The following MLLT3 variants were observed in gnomAD, a reference collection of about 807,000 sequenced individuals.
MLLT3 encodes the protein protein AF-9.
MLLT3 carries 4 observed loss-of-function variants against 53.2 expected under a neutral mutation model. That is an observed-to-expected ratio of 0.08 (90% CI 0.04 to 0.17). The LOEUF (loss-of-function observed/expected upper bound fraction) is 0.17, where lower values mean the gene tolerates loss of function less well. Among genes scored for constraint, MLLT3 ranks in the 10% least tolerant of loss-of-function variants. MLLT3 has a pLI of 1.00. For missense variants in MLLT3, 569 were observed against 684.0 expected, an observed-to-expected ratio of 0.83 and a Z score of 1.87; for synonymous variants, 283 against 230.6, an observed-to-expected ratio of 1.23 and a Z score of -2.06.
intron 6 of MLLT3, 47 bp from the exon 7 acceptor site, chr9:20,363,652 A>T (rs766757144): frequency 6.3e-7 from 1 of 1,588,490 alleles, no homozygotes; most frequent in Middle Eastern, 1.7e-4. Flanking sequence ...ATACTCAAAC[A>T]CACTTAGCCA....
chr9:20,394,277 C>T (rs144342288), intron 5 of MLLT3, among the ~76,000 whole-genome samples: 27 of 152,230 alleles, frequency 1.8e-4, no homozygotes, highest in Non-Finnish European at 3.4e-4. Context: ...GTATTTGCCA[C>T]TTACGGAGGC....
At chr9:20,478,281 T>A (rs757765604) in intron 2 of MLLT3, among the ~76,000 whole-genome samples, 6 of 152,162 alleles carry the variant, frequency 3.9e-5, no homozygotes, top group Non-Finnish European at 7.4e-5. Context: ...AAGGCCTTTA[T>A]AAACATTTCT....
chr9:20,510,885 C>A (rs953264784), intron 2 of MLLT3, among the ~76,000 whole-genome samples: 3 of 152,218 alleles, frequency 2.0e-5, no homozygotes, highest in African/African-American at 7.2e-5. Flanking sequence ...GAATGCTTTG[C>A]CATTACTGCT....
intron 2 of MLLT3, among the ~76,000 whole-genome samples, chr9:20,479,533 G>A (rs1031221565): frequency 1.3e-5 from 2 of 152,090 alleles, no homozygotes; most frequent in African/African-American, 4.8e-5. Context: ...AAAGCAAGCT[G>A]TTCAGAGGAG....
In MLLT3 at chr9:20,342,490, T is replaced by C. The variant is rs532402926; in HGVS notation, c.*3953A>G. 1 of 222,374 alleles carries C rather than the reference T, an allele frequency of 4.5e-6. No individual in the cohort carries two copies. The highest frequency in any genetic ancestry group is 5.7e-5 in the Admixed American group (1 of 17,428). 13.8% of individuals were successfully genotyped at this position (222,374 alleles called of 1,614,324 possible). A position where few individuals can be genotyped will look rare whatever the true frequency, so the allele number is the denominator to read the frequency against. ...ACTGCATGGTAGCTCTGGCCACCAT[T>C]AAGGATCTGTCAGCATTTCCATCAT... On this transcript the variant is annotated 3_prime_UTR_variant, in exon 11 of 11. Transcript: ENST00000380338.
Position 20,345,023 on chromosome 9 carries a change from C to A in MLLT3, c.*1420G>T, listed in dbSNP as rs750563381. On this transcript the variant is annotated 3_prime_UTR_variant, in exon 11 of 11. Coordinates refer to ENST00000380338, the MANE Select transcript of MLLT3 (RefSeq NM_004529.4). The stretch of plus-strand genomic sequence containing the variant: ...GCTGTTCTTACTTTTCATTTCTCCA[C>A]TTATGGAGAAGATGGAATAATGACA... 4.6e-6 allele frequency: 1 copy of A among 216,212 alleles called. No homozygotes were observed. The highest frequency in any genetic ancestry group is 9.3e-6 in the Non-Finnish European group (1 of 107,328). The allele number at this position is 216,212 out of a possible 1,614,324, so 13.4% of individuals were successfully genotyped here.
rs920197622 is a variant in MLLT3, at chr9:20,359,145, C to CAAAAAA, written c.1431+1591_1431+1596dup. Among the ~76,000 whole-genome samples, 100 of 20,980 alleles carry CAAAAAA rather than the reference C, an allele frequency of 4.8e-3. 6 individuals carry two copies. The highest frequency in any genetic ancestry group is 0.015 in the African/African-American group (94 of 6,316). 13.8% of individuals were successfully genotyped at this position (20,980 alleles called of 152,430 possible). ...GGGCAACAAGAGCAAAACTCCATCT[C>CAAAAAA]AAAAAAAAAAAAAAAAAAAAAAAAA... On this transcript the variant is annotated intron_variant, in intron 8 of 10. Coordinates refer to ENST00000380338, the MANE Select transcript of MLLT3 (RefSeq NM_004529.4).
At chr9:20,469,275 G>C (rs569156931) in intron 2 of MLLT3, among the ~76,000 whole-genome samples, 1 of 151,984 alleles carries the variant, frequency 6.6e-6, no homozygotes, top group Non-Finnish European at 1.5e-5. Context: ...ATACCTGGCA[G>C]CATTTATGAG....
In MLLT3 at chr9:20,353,502, T is replaced by C. The variant is rs1326121576; in HGVS notation, c.1575+23A>G. 7 of 1,605,800 alleles carry C rather than the reference T, an allele frequency of 4.4e-6. No individual in the cohort carries two copies. In the South Asian group the frequency reaches 6.6e-5, roughly 15 times the overall value. On this transcript the variant is annotated intron_variant, in intron 10 of 10. Coordinates refer to ENST00000380338, the MANE Select transcript of MLLT3 (RefSeq NM_004529.4). ...CAAGTCTTGAAGTTTCTGGAAAGGGTTGTGCTAAAAAGCATTTCTCACCTG... is the reference window on the plus strand; with the variant it reads ...CAAGTCTTGAAGTTTCTGGAAAGGGCTGTGCTAAAAAGCATTTCTCACCTG...
intron 2 of MLLT3, among the ~76,000 whole-genome samples, chr9:20,462,604 G>A (rs990949502): frequency 1.3e-5 from 2 of 151,892 alleles, no homozygotes; most frequent in African/African-American, 2.4e-5. Flanking sequence ...CCTCTGGAGA[G>A]CCTTCTGCCA....
intron 2 of MLLT3, among the ~76,000 whole-genome samples, chr9:20,553,117 T>C (rs1183485311): frequency 2.0e-5 from 3 of 152,170 alleles, no homozygotes; most frequent in African/African-American, 7.2e-5. Flanking sequence ...AATCCAGAAT[T>C]AAGTCCTTAT....
chr9:20,365,361 A>G lies in MLLT3; in HGVS notation c.1201+308T>C, dbSNP rs1300906849. ...TTTGTTTTGTTTTCTTTTTTTTGAGACGGAGTCTCACTGTGTCACCCAGGC... is the reference window on the plus strand; with the variant it reads ...TTTGTTTTGTTTTCTTTTTTTTGAGGCGGAGTCTCACTGTGTCACCCAGGC... On this transcript the variant is annotated intron_variant, in intron 6 of 10. Coordinates refer to ENST00000380338, the MANE Select transcript of MLLT3 (RefSeq NM_004529.4). Among the ~76,000 whole-genome samples, 32 of 152,140 alleles carry G rather than the reference A, an allele frequency of 2.1e-4. 1 individual carries two copies. The highest frequency in any genetic ancestry group is 2.1e-3 in the Admixed American group (32 of 15,276).
Position 20,448,336 on chromosome 9 carries a change from T to A in MLLT3, c.277-70A>T. The A allele has an allele frequency of 6.9e-7, 1 of 1,445,744 alleles. No individual in the cohort carries two copies. The highest frequency in any genetic ancestry group is 1.8e-5 in the Admixed American group (1 of 55,548). The allele number at this position is 1,445,744 out of a possible 1,614,324, so 89.6% of individuals were successfully genotyped here. On this transcript the variant is annotated intron_variant, in intron 3 of 10. Transcript: ENST00000380338. This position sits in a 1 kb window ranked among gnomAD's most constrained non-coding sequence, Gnocchi z 4.0. ...TAAGTGAAATTTTAAAAGCAAAAATTTACTCCTCATAAGAAATAGAAAAGA... is the reference window on the plus strand; with the variant it reads ...TAAGTGAAATTTTAAAAGCAAAAATATACTCCTCATAAGAAATAGAAAAGA...
At chr9:20,348,436 A>G (rs1262772394) in intron 10 of MLLT3, among the ~76,000 whole-genome samples, 1 of 152,190 alleles carries the variant, frequency 6.6e-6, no homozygotes, top group Non-Finnish European at 1.5e-5. Flanking sequence ...TGCAATGGGA[A>G]TGCAGTGCTT....
chr9:20,436,823 C>T (rs923520502), intron 4 of MLLT3, among the ~76,000 whole-genome samples: 17 of 151,902 alleles, frequency 1.1e-4, no homozygotes, highest in African/African-American at 4.1e-4. Context: ...AAAAATACAC[C>T]CTGATCCACA....
At chr9:20,395,160 T>TAA (rs1282397046) in intron 5 of MLLT3, among the ~76,000 whole-genome samples, 2 of 152,152 alleles carry the variant, frequency 1.3e-5, no homozygotes, top group Non-Finnish European at 2.9e-5. Context: ...GGAGGGAAGG[T>TAA]GGTTAAGCAG....
At chr9:20,541,969 T>C (rs1355590243) in intron 2 of MLLT3, among the ~76,000 whole-genome samples, 1 of 152,202 alleles carries the variant, frequency 6.6e-6, no homozygotes, top group African/African-American at 2.4e-5. Context: ...GAATCACAAA[T>C]GTTCATAATG....
At chr9:20,539,519 A>G (rs1225614117) in intron 2 of MLLT3, among the ~76,000 whole-genome samples, 3 of 152,208 alleles carry the variant, frequency 2.0e-5, no homozygotes, top group Non-Finnish European at 2.9e-5. Flanking sequence ...CTTATAGGAC[A>G]GCAGGAGAGA....
intron 5 of MLLT3, among the ~76,000 whole-genome samples, chr9:20,395,901 G>A (rs1373456851): frequency 1.3e-5 from 2 of 152,168 alleles, no homozygotes; most frequent in Non-Finnish European, 2.9e-5. Flanking sequence ...TAAACAGGAT[G>A]AAGGAAACCA....
Sources: gnomAD v4.1 joint callset for allele counts (sites outside exome capture counted in the v4.1 genomes callset) on GRCh38, gnomAD v4.1.1 for gene constraint, Gnocchi (gnomAD v3.1) non-coding constraint, MANE v1.5 for transcripts, NCBI Gene and HGNC (gene_info 2026-07-23, HGNC 2026-07-21) for gene names.